Variants in SNX25 observed in about 807,000 individuals in gnomAD.
SNX25 encodes the protein sorting nexin 25.
In SNX25, 62 loss-of-function variants were observed where a neutral mutation model predicts 113.7. That is an observed-to-expected ratio of 0.55 (90% CI 0.44 to 0.67). The LOEUF (loss-of-function observed/expected upper bound fraction) is 0.67, where lower values mean the gene tolerates loss of function less well. Ranked by LOEUF, SNX25 falls within the 30% of genes least tolerant of loss-of-function variation. SNX25 has a pLI of 0.00. For missense variants in SNX25, 1,014 were observed against 1,161.0 expected (o/e 0.87, Z 1.84); for synonymous variants, 421 against 436.2 (o/e 0.97, Z 0.43).
At chr4:185,347,506 T>C (rs777871247) in intron 13 of SNX25, among the ~76,000 whole-genome samples, 3 of 152,032 alleles carry the variant, frequency 2.0e-5, no homozygotes, top group Admixed American at 6.6e-5. Context: ...GTTTCGCTCT[T>C]GTTGCCCAGG....
At chr4:185,291,597 C>T (rs540356230) in intron 6 of SNX25, among the ~76,000 whole-genome samples, 54 of 152,294 alleles carry the variant, frequency 3.5e-4, no homozygotes, top group African/African-American at 1.2e-3. Flanking sequence ...GGCAGGGCCA[C>T]GCTGCTTCTG....
the SNX25 span, chr4:185,377,592 C>T: frequency 6.1e-6 from 1 of 164,950 alleles, no homozygotes; most frequent in Admixed American, 5.8e-5. Context: ...CCAAGTAGAG[C>T]CCTAACAGTG....
chr4:185,351,857 C>T (rs1031252902), intron 14 of SNX25, among the ~76,000 whole-genome samples: 5 of 150,894 alleles, frequency 3.3e-5, no homozygotes, highest in Non-Finnish European at 4.4e-5. Context: ...CCGCTACACA[C>T]GGGGCGCCAG....
chr4:185,321,855 G>A (rs2095123006), intron 8 of SNX25, among the ~76,000 whole-genome samples: 1 of 152,090 alleles, frequency 6.6e-6, no homozygotes, highest in Non-Finnish European at 1.5e-5. Flanking sequence ...TACAAAATCA[G>A]CCATTTACGG....
chr4:185,311,934 T>C (rs2095034309), intron 7 of SNX25, among the ~76,000 whole-genome samples: 1 of 152,222 alleles, frequency 6.6e-6, no homozygotes, highest in Non-Finnish European at 1.5e-5. Context: ...AGGAAGTCTG[T>C]TGATGTTGCT....
intron 9 of SNX25, among the ~76,000 whole-genome samples, chr4:185,330,856 A>G (rs545161599): frequency 6.6e-6 from 1 of 151,970 alleles, no homozygotes; most frequent in South Asian, 2.1e-4. Flanking sequence ...TTAGTCCAAA[A>G]CTATTTATTG....
intron 1 of SNX25, among the ~76,000 whole-genome samples, chr4:185,240,889 G>A (rs1160549560): frequency 6.6e-6 from 1 of 150,566 alleles, no homozygotes; most frequent in African/African-American, 2.4e-5. Context: ...GGGGCGGCAG[G>A]GCAGAGGCGC....
intron 1 of SNX25, among the ~76,000 whole-genome samples, chr4:185,221,005 T>G (rs1199548113): frequency 1.3e-5 from 2 of 151,676 alleles, no homozygotes; most frequent in African/African-American, 4.8e-5. Context: ...TGGCTGGGAC[T>G]ACAGGTGGGT....
intron 7 of SNX25, among the ~76,000 whole-genome samples, chr4:185,316,199 G>T (rs750228155): frequency 3.5e-4 from 54 of 152,172 alleles, no homozygotes; most frequent in Non-Finnish European, 4.0e-4. Context: ...ACTTATCAGT[G>T]CCTTCTCTTT....
intron 5 of SNX25, among the ~76,000 whole-genome samples, chr4:185,270,729 TCTC>T (rs1451256413): frequency 6.6e-6 from 1 of 152,218 alleles, no homozygotes; most frequent in African/African-American, 2.4e-5. Flanking sequence ...CTGCTTTCTG[TCTC>T]TATGGATTTG....
At chr4:185,300,166 T>C (rs1009904369) in intron 6 of SNX25, among the ~76,000 whole-genome samples, 9 of 149,068 alleles carry the variant, frequency 6.0e-5, no homozygotes, top group Non-Finnish European at 9.0e-5. Flanking sequence ...CTAGGAAATT[T>C]TTTTTTTTTT....
rs964774112 is a variant in SNX25, at chr4:185,313,739, T to C, written c.1344+2923T>C. Among the ~76,000 whole-genome samples the C allele has an allele frequency of 4.6e-5, 7 of 152,272 alleles. No homozygotes were observed. In the East Asian group the frequency reaches 1.2e-3, roughly 25 times the overall value. ...CAATGTGGGGGTTAGGAGTGCTGACTCTCCCCTGAGCAAAAATTCACATAT... is the reference window on the plus strand; with the variant it reads ...CAATGTGGGGGTTAGGAGTGCTGACCCTCCCCTGAGCAAAAATTCACATAT... On this transcript the variant is annotated intron_variant, in intron 7 of 18. Transcript: ENST00000652585.
At chr4:185,328,244 T>C (rs533793935) in intron 9 of SNX25, among the ~76,000 whole-genome samples, 2 of 152,308 alleles carry the variant, frequency 1.3e-5, no homozygotes, top group South Asian at 4.1e-4. Context: ...GAAAACAATT[T>C]CCAGGGCCTA....
exon 12 of SNX25, chr4:185,370,062 A>G (rs2095409947): frequency 5.7e-6 from 1 of 174,808 alleles, no homozygotes; most frequent in African/African-American, 2.4e-5. Context: ...TAAACTTAAG[A>G]GTTAGTACTC....
chr4:185,273,411 G>A (rs1276828083), intron 5 of SNX25, among the ~76,000 whole-genome samples: 1 of 152,154 alleles, frequency 6.6e-6, no homozygotes, highest in Non-Finnish European at 1.5e-5. Context: ...CAAAGTGCTG[G>A]GATTCCAGGG....
the SNX25 span, among the ~76,000 whole-genome samples, chr4:185,376,254 A>G: frequency 1.3e-5 from 2 of 152,128 alleles, no homozygotes; most frequent in African/African-American, 4.8e-5. Flanking sequence ...TTCAATTATT[A>G]TTAATATGAA....
chr4:185,258,522 T>A (rs1746772194), intron 2 of SNX25, among the ~76,000 whole-genome samples: 1 of 152,200 alleles, frequency 6.6e-6, no homozygotes, highest in Non-Finnish European at 1.5e-5. Context: ...AATAGACTGA[T>A]ATCAGGTACA....
rs141850175 is a variant in SNX25 at position 185,363,082 on chromosome 4, A to C, written c.2935-303A>C. The stretch of plus-strand genomic sequence containing the variant: ...GGTCTCTAACTCCTGACCTCAGGTG[A>C]TCTGTCTGCCTCAGCCTCCCAAAGT... On this transcript the variant is annotated intron_variant, in intron 18 of 18. Coordinates refer to ENST00000652585, the MANE Select transcript of SNX25 (RefSeq NM_001378034.2). The surrounding 1 kb of genome is among the most constrained non-coding windows in gnomAD (Gnocchi z 4.2). Among the ~76,000 whole-genome samples the C allele has an allele frequency of 9.3e-3, 1,417 of 152,098 alleles. 20 individuals carry two copies. Among genetic ancestry groups the C allele is most frequent in the African/African-American group, 0.032 (1,329 of 41,494 alleles).
intron 5 of SNX25, among the ~76,000 whole-genome samples, chr4:185,271,844 A>G (rs575551379): frequency 6.6e-6 from 1 of 152,380 alleles, no homozygotes; most frequent in South Asian, 2.1e-4. Context: ...AAAAACCTTG[A>G]AGGTGATATT....
Sources: allele counts gnomAD v4.1 joint callset (sites outside exome capture counted in the v4.1 genomes callset), GRCh38; gene constraint gnomAD v4.1.1; non-coding constraint Gnocchi (gnomAD v3.1); transcripts MANE v1.5; gene names NCBI Gene and HGNC (gene_info 2026-07-23, HGNC 2026-07-21).